The following CHMP3 variants were observed in gnomAD, a reference collection of about 807,000 sequenced individuals.
CHMP3 encodes the protein charged multivesicular body protein 3, also known as 25.1 protein.
A neutral mutation model predicts 27.4 loss-of-function variants in CHMP3; 8 were observed. The ratio of observed to expected loss-of-function variants is 0.29; its 90% CI spans 0.17 to 0.53. The LOEUF is 0.53. Ranked by LOEUF, CHMP3 falls within the 20% of genes least tolerant of loss-of-function variation. The probability of loss-of-function intolerance (pLI) is 0.96; values close to 1 mark genes in which losing one functional copy is unlikely to be tolerated. For synonymous variants in CHMP3, 86 were observed against 85.5 expected (o/e 1.01, Z -0.03); for missense variants, 208 against 271.5 (o/e 0.77, Z 1.64).
intron 2 of CHMP3, among the ~76,000 whole-genome samples, chr2:86,532,686 G>T (rs1016034332): frequency 6.6e-6 from 1 of 152,138 alleles, no homozygotes; most frequent in Non-Finnish European, 1.5e-5. Flanking sequence ...CAATTGAGAT[G>T]ATAATGTGAG....
chr2:86,546,090 C>T (rs1233357564), intron 1 of CHMP3, among the ~76,000 whole-genome samples: 1 of 152,060 alleles, frequency 6.6e-6, no homozygotes, highest in African/African-American at 2.4e-5. Context: ...ATTGAGTGAG[C>T]GAGACTCCGT....
intron 3 of CHMP3, among the ~76,000 whole-genome samples, chr2:86,519,096 G>A (rs967613844): frequency 1.3e-5 from 2 of 152,032 alleles, no homozygotes; most frequent in East Asian, 1.9e-4. Context: ...AAGGAGGGCC[G>A]GGCACGGTGG....
At chr2:86,555,986 TA>T (rs2104047461) in intron 1 of CHMP3, among the ~76,000 whole-genome samples, 1 of 152,330 alleles carries the variant, frequency 6.6e-6, no homozygotes, top group South Asian at 2.1e-4. Context: ...CTCTGTTTTT[TA>T]ACTTAAAATA....
At chr2:86,511,091 C>T (rs904999279) in intron 3 of CHMP3, 11 of 152,246 alleles carry the variant, frequency 7.2e-5, no homozygotes, top group East Asian at 1.9e-4. Context: ...CATTGCCCCA[C>T]CCTCAATGTC....
intron 1 of CHMP3, among the ~76,000 whole-genome samples, chr2:86,556,234 C>T (rs901802945): frequency 6.6e-6 from 1 of 152,204 alleles, no homozygotes; most frequent in African/African-American, 2.4e-5. Context: ...CCCTCAGCTA[C>T]GTAGCTCCTC....
At chr2:86,546,486 G>C (rs1676612702) in intron 1 of CHMP3, among the ~76,000 whole-genome samples, 2 of 149,922 alleles carry the variant, frequency 1.3e-5, no homozygotes, top group Non-Finnish European at 3.0e-5. Context: ...TGGCCAGGCT[G>C]GAGTACAGTG....
rs1676510950 is a variant in CHMP3 at position 86,544,963 on chromosome 2, GGGC to G, written c.46-2654_46-2652del. ...CGCTCACTTCCTAGACGGGGCGGCCGGGCAGAGGCGCTCCTCACCTCCCAGACG... is the reference window on the plus strand; with the variant it reads ...CGCTCACTTCCTAGACGGGGCGGCCGAGAGGCGCTCCTCACCTCCCAGACG... On this transcript the variant is annotated intron_variant, in intron 1 of 5. Transcript: ENST00000263856. 4.5e-5 allele frequency among the ~76,000 whole-genome samples: 5 copies of G among 111,630 alleles called. No homozygotes were observed. In the Admixed American group the frequency reaches 4.6e-4, roughly 10 times the overall value. 73.2% of individuals were successfully genotyped at this position (111,630 alleles called of 152,430 possible). A position where few individuals can be genotyped will look rare whatever the true frequency, so the allele number is the denominator to read the frequency against.
chr2:86,505,686 G>C lies in CHMP3; in HGVS notation c.*118C>G. On this transcript the variant is annotated 3_prime_UTR_variant, in exon 6 of 6. Transcript: ENST00000263856. ...CCAAAACCTGGGCAGAGAATGAAAA[G>C]AGACAAACAGAACCTTCTCCAAAAT... The C allele has an allele frequency of 7.7e-7, 1 of 1,294,980 alleles. No homozygotes were observed. The highest frequency in any genetic ancestry group is 9.9e-7 in the Non-Finnish European group (1 of 1,007,618). The allele number at this position is 1,294,980 out of a possible 1,614,324, so 80.2% of individuals were successfully genotyped here. A position where few individuals can be genotyped will look rare whatever the true frequency, so the allele number is the denominator to read the frequency against.
In CHMP3 at chr2:86,505,594, CTG is replaced by C. The variant is rs1674858744; in HGVS notation, c.*208_*209del. 2 of 515,900 alleles carry C rather than the reference CTG, an allele frequency of 3.9e-6. No homozygotes were observed. The highest frequency in any genetic ancestry group is 3.0e-6 in the Non-Finnish European group (1 of 330,548). 32.0% of individuals were successfully genotyped at this position (515,900 alleles called of 1,614,324 possible). On this transcript the variant is annotated 3_prime_UTR_variant, in exon 6 of 6. Transcript: ENST00000263856. Reference sequence around the variant, plus strand: ...TTCCCCTCCCCACAATAAGATATATCTGTCTATACTCCTAAAAATGATGCATT... The same window carrying C: ...TTCCCCTCCCCACAATAAGATATATCTCTATACTCCTAAAAATGATGCATT...
chr2:86,547,759 T>C (rs1401638707), intron 1 of CHMP3, among the ~76,000 whole-genome samples: 1 of 152,218 alleles, frequency 6.6e-6, no homozygotes, highest in East Asian at 1.9e-4. Context: ...CAAATATTTA[T>C]TTAGTGCCAA....
intron 5 of CHMP3, chr2:86,507,032 T>A (rs74583495): frequency 1.3e-5 from 2 of 151,230 alleles, no homozygotes; most frequent in Non-Finnish European, 2.9e-5. Flanking sequence ...TTTTTTTTTT[T>A]AATATATATT....
intron 1 of CHMP3, among the ~76,000 whole-genome samples, chr2:86,543,736 CCTCT>C (rs772155073): frequency 5.9e-4 from 90 of 152,190 alleles, no homozygotes; most frequent in African/African-American, 1.8e-3. Flanking sequence ...TTCTAGGGAA[CCTCT>C]CTCTGTTTTT....
intron 1 of CHMP3, among the ~76,000 whole-genome samples, chr2:86,559,461 T>C (rs926300903): frequency 3.9e-5 from 6 of 152,290 alleles, no homozygotes; most frequent in Non-Finnish European, 7.3e-5. Flanking sequence ...TATCCATCCA[T>C]CCTATTGGTT....
At position 86,504,499 on chromosome 2, in the gene CHMP3, AATT is replaced by A. The variant is rs1558640618; in HGVS notation, c.*1302_*1304del. 1.5e-5 allele frequency: 2 copies of A among 135,178 alleles called. No homozygotes were observed. The highest frequency in any genetic ancestry group is 8.3e-5 in the Admixed American group (1 of 11,998). The allele number at this position is 135,178 out of a possible 1,614,324, so 8.4% of individuals were successfully genotyped here. On this transcript the variant is annotated 3_prime_UTR_variant, in exon 6 of 6. Coordinates refer to ENST00000263856, the MANE Select transcript of CHMP3 (RefSeq NM_016079.4). Reference sequence around the variant, plus strand: ...GAGGGTCCTCTGGACTCAAAAATGAAATTTTTTTTTTTTTTTTTTTTTTTTTTT... The same window carrying A: ...GAGGGTCCTCTGGACTCAAAAATGAATTTTTTTTTTTTTTTTTTTTTTTTT...
intron 3 of CHMP3, among the ~76,000 whole-genome samples, chr2:86,528,897 C>T (rs1675811626): frequency 6.6e-6 from 1 of 152,150 alleles, no homozygotes; most frequent in Non-Finnish European, 1.5e-5. Context: ...AGGTAGAAAG[C>T]TCTTTTCTTC....
chr2:86,559,476 T>C (rs1243868169), intron 1 of CHMP3, among the ~76,000 whole-genome samples: 2 of 152,230 alleles, frequency 1.3e-5, no homozygotes, highest in Non-Finnish European at 2.9e-5. Context: ...TTGGTTCTAC[T>C]TCTCTGGAAA....
chr2:86,531,790 C>G (rs975892364), intron 2 of CHMP3, among the ~76,000 whole-genome samples: 5 of 152,192 alleles, frequency 3.3e-5, no homozygotes, highest in African/African-American at 9.7e-5. Flanking sequence ...CATAGTTTTT[C>G]TGGATACCTA....
At chr2:86,526,686 A>C (rs1425880925) in intron 3 of CHMP3, among the ~76,000 whole-genome samples, 2 of 151,866 alleles carry the variant, frequency 1.3e-5, no homozygotes, top group South Asian at 2.1e-4. Context: ...CTCTCTCTAT[A>C]TATATATACA....
chr2:86,545,772 G>C (rs1413228555), intron 1 of CHMP3, among the ~76,000 whole-genome samples: 1 of 147,506 alleles, frequency 6.8e-6, no homozygotes, highest in Non-Finnish European at 1.5e-5. Context: ...CAGACGATGG[G>C]TGGCCGGGCA....
Sources: allele counts gnomAD v4.1 joint callset (sites outside exome capture counted in the v4.1 genomes callset), GRCh38; gene constraint gnomAD v4.1.1; transcripts MANE v1.5; gene names NCBI Gene and HGNC (gene_info 2026-07-23, HGNC 2026-07-21).